The following LRRC7 variants were observed in gnomAD, a reference collection of about 807,000 sequenced individuals.
LRRC7 encodes leucine rich repeat containing 7, also known as leucine-rich repeat-containing protein 7.
LRRC7 carries 23 observed loss-of-function variants against 175.7 expected under a neutral mutation model. That is an observed-to-expected ratio of 0.13 (90% confidence interval 0.09 to 0.19). LRRC7 has a LOEUF of 0.19. Among genes scored for constraint, LRRC7 ranks in the 10% least tolerant of loss-of-function variants. The pLI is 1.00. For missense variants in LRRC7, 1,354 were observed against 1,904.7 expected, an observed-to-expected ratio of 0.71 and a Z score of 5.38; for synonymous variants, 685 against 680.9, an observed-to-expected ratio of 1.01 and a Z score of -0.09.
chr1:69,793,015 A>G (rs1271652476), intron 4 of LRRC7, among the ~76,000 whole-genome samples: 1 of 152,070 alleles, frequency 6.6e-6, no homozygotes, highest in East Asian at 1.9e-4. Flanking sequence ...CCCCTTCATC[A>G]TTAAGATAGT....
rs888172464 is a variant in LRRC7, at chr1:70,126,520, A to G, written c.*4633A>G. On this transcript the variant is annotated 3_prime_UTR_variant, in exon 27 of 27. Transcript: ENST00000651989. ...GGGGGGCATCTCCAGGTTGGTGATC[A>G]CTTGCATGAACATTTTTCCTTAGCA... 6.6e-6 allele frequency among the ~76,000 whole-genome samples: 1 copy of G among 152,094 alleles called. No homozygotes were observed.
chr1:69,965,594 C>T (rs1431097783), intron 8 of LRRC7, among the ~76,000 whole-genome samples: 1 of 151,254 alleles, frequency 6.6e-6, no homozygotes, highest in African/African-American at 2.4e-5. Flanking sequence ...AAATATCACC[C>T]AAATTTGAGT....
chr1:69,694,881 G>A (rs183064362), intron 2 of LRRC7, among the ~76,000 whole-genome samples: 77 of 152,200 alleles, frequency 5.1e-4, no homozygotes, highest in African/African-American at 1.8e-3. Flanking sequence ...ACAGAACCAT[G>A]AGCCAAAATA....
At chr1:69,892,245 A>T (rs1000548732) in intron 7 of LRRC7, among the ~76,000 whole-genome samples, 9 of 152,218 alleles carry the variant, frequency 5.9e-5, no homozygotes, top group Admixed American at 1.3e-4. Flanking sequence ...TATTTAGTGA[A>T]TGAGGAGTGG....
chr1:69,810,752 C>A (rs1677741870), intron 4 of LRRC7, among the ~76,000 whole-genome samples: 1 of 152,128 alleles, frequency 6.6e-6, no homozygotes, highest in Non-Finnish European at 1.5e-5. Flanking sequence ...CCTTTCCTTG[C>A]ACCTTACACA....
At chr1:69,793,420 A>C (rs901561090) in intron 4 of LRRC7, among the ~76,000 whole-genome samples, 2 of 152,086 alleles carry the variant, frequency 1.3e-5, no homozygotes, top group Non-Finnish European at 2.9e-5. Context: ...AAATTTCCTA[A>C]GAAATTTGGT....
chr1:69,913,263 A>T (rs1011116641), intron 7 of LRRC7, among the ~76,000 whole-genome samples: 6 of 152,210 alleles, frequency 3.9e-5, no homozygotes, highest in African/African-American at 1.4e-4. Context: ...TTGGTCACAT[A>T]TCCTTTTGGA....
chr1:69,889,921 T>C (rs1015609747), intron 7 of LRRC7, among the ~76,000 whole-genome samples: 10 of 152,210 alleles, frequency 6.6e-5, no homozygotes, highest in Non-Finnish European at 1.5e-4. Context: ...GTTAAAGTTT[T>C]ATGAGATTGC....
chr1:70,044,647 A>G (rs145010526), intron 22 of LRRC7, among the ~76,000 whole-genome samples: 146 of 152,304 alleles, frequency 9.6e-4, no homozygotes, highest in African/African-American at 3.3e-3. Context: ...TGGCTTAGGA[A>G]ACTAGGTTAG....
intron 3 of LRRC7, among the ~76,000 whole-genome samples, chr1:69,776,319 T>A (rs1055307923): frequency 1.3e-5 from 2 of 152,176 alleles, no homozygotes; most frequent in Non-Finnish European, 2.9e-5. Flanking sequence ...GTAATTGCTA[T>A]GAGCTACAAT....
chr1:69,850,639 C>A (rs1026587114), intron 7 of LRRC7, among the ~76,000 whole-genome samples: 1 of 151,968 alleles, frequency 6.6e-6, no homozygotes, highest in African/African-American at 2.4e-5. Flanking sequence ...TGCTGATGGA[C>A]AGAATGCGTG....
chr1:69,993,833 T>A (rs1654674400), intron 10 of LRRC7, among the ~76,000 whole-genome samples: 1 of 152,188 alleles, frequency 6.6e-6, no homozygotes, highest in African/African-American at 2.4e-5. Context: ...TAGGTTATTT[T>A]ATGGTTGGAT....
chr1:70,107,217 T>A (rs1665206117), intron 25 of LRRC7, among the ~76,000 whole-genome samples: 3 of 152,242 alleles, frequency 2.0e-5, no homozygotes, highest in Admixed American at 2.0e-4. Flanking sequence ...AGTTTGCTTA[T>A]GTTTAATTTG....
At chr1:70,107,451 G>A (rs1044849654) in intron 25 of LRRC7, among the ~76,000 whole-genome samples, 2 of 152,216 alleles carry the variant, frequency 1.3e-5, no homozygotes, top group African/African-American at 4.8e-5. Context: ...AAATGATTCA[G>A]CATCACATTT....
chr1:69,717,927 G>GAAAGAAAGAAGA (rs1557641896), intron 2 of LRRC7, among the ~76,000 whole-genome samples: 439 of 9,090 alleles, frequency 0.048, 15 homozygotes, highest in East Asian at 0.098. Context: ...GAGAAAAAAA[G>GAAAGAAAGAAGA]AAAAGAAAGA....
At chr1:70,081,608 C>T in intron 24 of LRRC7, among the ~76,000 whole-genome samples, 1 of 152,172 alleles carries the variant, frequency 6.6e-6, no homozygotes, top group South Asian at 2.1e-4. Context: ...CATGCTGCAG[C>T]CTGCGTCACA....
intron 11 of LRRC7, among the ~76,000 whole-genome samples, chr1:70,008,024 T>C (rs1456897855): frequency 6.6e-6 from 1 of 152,116 alleles, no homozygotes; most frequent in African/African-American, 2.4e-5. Context: ...ATCAGAGATA[T>C]ATATATATAT....
chr1:69,676,094 T>G (rs1288035552), intron 1 of LRRC7, among the ~76,000 whole-genome samples: 1 of 151,838 alleles, frequency 6.6e-6, no homozygotes, highest in Non-Finnish European at 1.5e-5. Context: ...AAAGTATATT[T>G]GGAAGACTTT....
chr1:69,749,304 C>T (rs1314340200), intron 2 of LRRC7, among the ~76,000 whole-genome samples: 1 of 152,102 alleles, frequency 6.6e-6, no homozygotes, highest in African/African-American at 2.4e-5. Flanking sequence ...CTAGCTTGAT[C>T]CTATAATCCA....
Sources: gnomAD v4.1 joint callset for allele counts (sites outside exome capture counted in the v4.1 genomes callset) on GRCh38, gnomAD v4.1.1 for gene constraint, MANE v1.5 for transcripts, NCBI Gene and HGNC (gene_info 2026-07-23, HGNC 2026-07-21) for gene names.